Variants in LRP2BP observed in about 807,000 individuals in gnomAD.
LRP2BP encodes LRP2 binding protein.
LRP2BP carries 38 observed loss-of-function variants against 45.2 expected under a neutral mutation model. The observed-to-expected ratio is 0.84, with a 90% CI of 0.65 to 1.10. The LOEUF (loss-of-function observed/expected upper bound fraction) is 1.10. LRP2BP is among the 50% of genes least tolerant of loss of function. The probability of loss-of-function intolerance (pLI) is 0.00; values close to 1 mark genes in which losing one functional copy is unlikely to be tolerated. For synonymous variants in LRP2BP, 153 were observed against 153.9 expected (o/e 0.99, Z 0.04); for missense variants, 385 against 418.9 (o/e 0.92, Z 0.71).
At chr4:185,396,052 G>T, upstream of LRP2BP, 1 of 267,878 alleles carries the variant, frequency 3.7e-6, no homozygotes, top group Non-Finnish European at 5.7e-6. Flanking sequence ...GGTCCGAATC[G>T]CACGCGGCCG....
intron 1 of LRP2BP, among the ~76,000 whole-genome samples, chr4:185,384,885 C>T (rs1314516657): frequency 3.3e-5 from 5 of 150,750 alleles, no homozygotes; most frequent in Non-Finnish European, 7.4e-5. Context: ...CTCCGCCCTG[C>T]ATCCCCCTCC....
chr4:185,371,885 G>C (rs569409335), intron 7 of LRP2BP, among the ~76,000 whole-genome samples: 4 of 152,148 alleles, frequency 2.6e-5, no homozygotes, highest in East Asian at 1.9e-4. Flanking sequence ...GGCTCGGAGA[G>C]GGGGGAGACC....
At chr4:185,384,540 C>G (rs185160940) in intron 1 of LRP2BP, among the ~76,000 whole-genome samples, 133 of 151,556 alleles carry the variant, frequency 8.8e-4, no homozygotes, top group African/African-American at 1.7e-3. Flanking sequence ...AATAGTTGGC[C>G]TAATCCAATG....
chr4:185,369,055 A>G (rs2095404468), intron 8 of LRP2BP, among the ~76,000 whole-genome samples: 1 of 151,894 alleles, frequency 6.6e-6, no homozygotes, highest in Admixed American at 6.6e-5. Flanking sequence ...CGGCCTCCCA[A>G]AGTGCTGGGA....
chr4:185,372,859 T>A lies in LRP2BP; in HGVS notation c.800A>T (p.Lys267Ile). The change falls in exon 7 of 9, where the codon AAA (lysine) becomes ATA (isoleucine). Residue 267 changes from lysine to isoleucine, a missense_variant. Transcript: ENST00000505916. ...KFFTKCVAFS[K>I]RIADYDEVHD... Reference sequence around the variant, plus strand: ...CAGAACAGACAAAGACATTCACCTTTTGGAAAATGCAACACACTTTGTAAA... The same window carrying A: ...CAGAACAGACAAAGACATTCACCTTATGGAAAATGCAACACACTTTGTAAA... 2 of 1,599,186 alleles carry A rather than the reference T, an allele frequency of 1.3e-6. No individual in the cohort carries two copies. The highest frequency in any genetic ancestry group is 1.7e-6 in the Non-Finnish European group (2 of 1,167,412).
At chr4:185,376,443 C>CTTTTTTTTTTTTTTTTT (rs34024562) in intron 3 of LRP2BP, among the ~76,000 whole-genome samples, 1 of 105,824 alleles carries the variant, frequency 9.4e-6, no homozygotes, top group Admixed American at 1.1e-4. Context: ...TGCCCAGCTA[C>CTTTTTTTTTTTTTTTTT]TTTTTTTTTT....
At chr4:185,380,506 C>T (rs974856216) in intron 1 of LRP2BP, among the ~76,000 whole-genome samples, 1 of 152,146 alleles carries the variant, frequency 6.6e-6, no homozygotes, top group Non-Finnish European at 1.5e-5. Context: ...TCAACCTCTG[C>T]CTCTGTGTTT....
chr4:185,389,943 G>T (rs2095483757), intron 1 of LRP2BP, among the ~76,000 whole-genome samples: 1 of 152,198 alleles, frequency 6.6e-6, no homozygotes, highest in Admixed American at 6.5e-5. Flanking sequence ...TTTAGGGCCA[G>T]AAGTGATTTA....
chr4:185,370,884 T>TA lies in LRP2BP; in HGVS notation c.804-71dup, dbSNP rs939036493. On this transcript the variant is annotated intron_variant, in intron 7 of 8. Transcript: ENST00000505916. ...GTAAGTGTTTGTAAAACGATGCGCC[T>TA]AGAGACTGTCCTTGTGCCTGAAGTG... is the stretch of plus-strand genomic sequence containing the variant. 1.7e-5 allele frequency: 25 copies of TA among 1,504,418 alleles called. No homozygotes were observed. The African/African-American group carries it at 3.2e-4, about 19-fold the overall frequency. The allele number at this position is 1,504,418 out of a possible 1,614,324, so 93.2% of individuals were successfully genotyped here. A position where few individuals can be genotyped will look rare whatever the true frequency, so the allele number is the denominator to read the frequency against.
rs1362182085 is a variant in LRP2BP at position 185,395,875 on chromosome 4, A to C, written c.-1118T>G. ...TAGGGGAAAAGAAACACTCGGCTGGAGCTTTGGTTTCTAAGCAGATCCTTC... is the reference window on the plus strand; with the variant it reads ...TAGGGGAAAAGAAACACTCGGCTGGCGCTTTGGTTTCTAAGCAGATCCTTC... On this transcript the variant is annotated 5_prime_UTR_variant, in exon 1 of 9. Transcript: ENST00000505916. 4.1e-6 allele frequency: 4 copies of C among 985,352 alleles called. No individual in the cohort carries two copies. Among genetic ancestry groups the C allele is most frequent in the East Asian group, 1.1e-4 (1 of 8,828 alleles). The allele number at this position is 985,352 out of a possible 1,614,324, so 61.0% of individuals were successfully genotyped here.
At position 185,366,587 on chromosome 4, in the gene LRP2BP, T is replaced by G. The variant is rs1718042755; in HGVS notation, c.*593A>C. On this transcript the variant is annotated 3_prime_UTR_variant, in exon 9 of 9. Coordinates refer to ENST00000505916, the MANE Select transcript of LRP2BP (RefSeq NM_001377440.1). Reference sequence around the variant, plus strand: ...ATGTCTCAAAAGGCTTAGTGCAGTTTTAGCTTTAATAACTTCAGAAGTAGA... The same window carrying G: ...ATGTCTCAAAAGGCTTAGTGCAGTTGTAGCTTTAATAACTTCAGAAGTAGA... The G allele has an allele frequency of 6.6e-6, 1 of 152,208 alleles. No homozygotes were observed. Among genetic ancestry groups the G allele is most frequent in the South Asian group, 2.1e-4 (1 of 4,834 alleles). The allele number at this position is 152,208 out of a possible 1,614,324, so 9.4% of individuals were successfully genotyped here. A position where few individuals can be genotyped will look rare whatever the true frequency, so the allele number is the denominator to read the frequency against.
chr4:185,371,842 C>T (rs1357526944), intron 7 of LRP2BP, among the ~76,000 whole-genome samples: 2 of 152,160 alleles, frequency 1.3e-5, no homozygotes, highest in East Asian at 1.9e-4. Context: ...TCCTTCCCTT[C>T]ATCCTCTCTT....
chr4:185,375,494 A>ATATATATATGTG (rs1554018352), intron 4 of LRP2BP, 119 bp downstream of exon 4: 1 of 58,558 alleles, frequency 1.7e-5, no homozygotes, highest in African/African-American at 1.1e-4. Flanking sequence ...AAAAATATAT[A>ATATATATATGTG]TATATATATA....
intron 1 of LRP2BP, among the ~76,000 whole-genome samples, chr4:185,388,717 ACT>A (rs2095479274): frequency 6.6e-6 from 1 of 152,180 alleles, no homozygotes; most frequent in Admixed American, 6.5e-5. Context: ...GTATTCATCT[ACT>A]GTCTTTATAT....
intron 3 of LRP2BP, among the ~76,000 whole-genome samples, chr4:185,376,230 A>G (rs879517537): frequency 6.6e-6 from 1 of 152,184 alleles, no homozygotes; most frequent in African/African-American, 2.4e-5. Context: ...TAAGTACTAG[A>G]TAAAAATCAA....
intron 1 of LRP2BP, among the ~76,000 whole-genome samples, chr4:185,384,691 C>T (rs1297441729): frequency 1.3e-5 from 2 of 151,194 alleles, no homozygotes; most frequent in African/African-American, 2.4e-5. Flanking sequence ...CCCTCAAACC[C>T]GTGTTTATTG....
rs931345278 is a variant in LRP2BP at position 185,395,496 on chromosome 4, C to G, written c.-739G>C. The G allele has an allele frequency of 3.0e-6, 3 of 985,182 alleles. No homozygotes were observed. Among genetic ancestry groups the G allele is most frequent in the East Asian group, 1.1e-4 (1 of 8,836 alleles). 61.0% of individuals were successfully genotyped at this position (985,182 alleles called of 1,614,324 possible). A position where few individuals can be genotyped will look rare whatever the true frequency, so the allele number is the denominator to read the frequency against. On this transcript the variant is annotated 5_prime_UTR_variant, in exon 1 of 9. Coordinates refer to ENST00000505916, the MANE Select transcript of LRP2BP (RefSeq NM_001377440.1). ...ATCAACGTGTGCTCACCTCACAAAT[C>G]TGACAACAGTATCTCTACACTGCCG...
At chr4:185,377,941 C>G (rs181529388) in intron 2 of LRP2BP, 140 bp downstream of exon 2, 13 of 668,404 alleles carry the variant, frequency 1.9e-5, no homozygotes, top group Non-Finnish European at 2.7e-5. Context: ...CAGATTCTTG[C>G]GGGAAAACTC....
chr4:185,390,918 C>G (rs903078970), intron 1 of LRP2BP: 1 of 152,212 alleles, frequency 6.6e-6, no homozygotes, highest in Admixed American at 6.5e-5. Flanking sequence ...TTTGCCACAA[C>G]TAGGAAACCA....
Sources: allele counts gnomAD v4.1 joint callset (sites outside exome capture counted in the v4.1 genomes callset), GRCh38; gene constraint gnomAD v4.1.1; transcripts MANE v1.5; gene names NCBI Gene and HGNC (gene_info 2026-07-23, HGNC 2026-07-21).